FLRT3: variants seen among roughly 807,000 people sequenced by gnomAD.
FLRT3 encodes leucine-rich repeat transmembrane protein FLRT3.
A neutral mutation model predicts 42.6 loss-of-function variants in FLRT3; 17 were observed. The ratio of observed to expected loss-of-function variants is 0.40; its 90% confidence interval spans 0.27 to 0.60. FLRT3 has a LOEUF of 0.60. Among genes scored for constraint, FLRT3 ranks in the 20% least tolerant of loss-of-function variants. FLRT3 has a pLI of 0.44. For synonymous variants in FLRT3, 279 were observed against 286.4 expected, an observed-to-expected ratio of 0.97 and a Z score of 0.26; for missense variants, 635 against 789.2, an observed-to-expected ratio of 0.80 and a Z score of 2.34.
In FLRT3 at chr20:14,326,985, G is replaced by C. The variant is rs149699300; in HGVS notation, c.522C>G (p.Pro174=). The change falls in exon 3 of 3, where the codon CCC becomes CCG. Residue 174 remains proline (P), a synonymous_variant. Coordinates refer to ENST00000341420, the MANE Select transcript of FLRT3 (RefSeq NM_198391.3). The surrounding 1 kb of genome is among the most constrained non-coding windows in gnomAD (Gnocchi z 5.5). ...NHLSTIPWGL[P]RTIEELRLDD... is the part of the protein sequence containing the mutation. The stretch of plus-strand genomic sequence containing the variant: ...CCAAGCGTAGTTCTTCTATAGTCCT[G>C]GGCAAACCCCAGGGAATTGTGCTAA... The C allele has an allele frequency of 6.2e-7, 1 of 1,613,734 alleles. No homozygotes were observed. Among genetic ancestry groups the C allele is most frequent in the Non-Finnish European group, 8.5e-7 (1 of 1,179,782 alleles).
In FLRT3 at chr20:14,325,467, C is replaced by T; in HGVS notation, c.*90G>A. The T allele has an allele frequency of 7.5e-7, 1 of 1,331,812 alleles. No individual in the cohort carries two copies. 82.5% of individuals were successfully genotyped at this position (1,331,812 alleles called of 1,614,324 possible). A position where few individuals can be genotyped will look rare whatever the true frequency, so the allele number is the denominator to read the frequency against. On this transcript the variant is annotated 3_prime_UTR_variant, in exon 3 of 3. Transcript: ENST00000341420. Reference sequence around the variant, plus strand: ...CATTGCTTTTTTTCAGTCTCTTTTTCCAGTGTTTTGCAGTAGAACAGGGTT... The same window carrying T: ...CATTGCTTTTTTTCAGTCTCTTTTTTCAGTGTTTTGCAGTAGAACAGGGTT...
chr20:14,326,456 C>G lies in FLRT3; in HGVS notation c.1051G>C (p.Glu351Gln). The change falls in exon 3 of 3, where the codon GAA becomes CAA. Residue 351 changes from glutamate to glutamine, a missense_variant. Transcript: ENST00000341420. This position sits in a 1 kb window ranked among gnomAD's most constrained non-coding sequence, Gnocchi z 5.5. Reference protein sequence around the residue: ...RGMAIKDLNAELFDCKDSGIV... With the variant: ...RGMAIKDLNAQLFDCKDSGIV... Reference sequence around the variant, plus strand: ...CCACTGTCCTTACAATCAAACAGTTCTGCATTGAGATCCTTAATAGCCATC... The same window carrying G: ...CCACTGTCCTTACAATCAAACAGTTGTGCATTGAGATCCTTAATAGCCATC... The G allele has an allele frequency of 3.1e-6, 5 of 1,613,844 alleles. No individual in the cohort carries two copies. Among genetic ancestry groups the G allele is most frequent in the Non-Finnish European group, 4.2e-6 (5 of 1,179,850 alleles).
chr20:14,326,369 G>C lies in FLRT3; in HGVS notation c.1138C>G (p.Gln380Glu). The change falls in exon 3 of 3, where the codon CAG (glutamine) becomes GAG (glutamate). Residue 380 changes from glutamine to glutamate, a missense_variant. Coordinates refer to ENST00000341420, the MANE Select transcript of FLRT3 (RefSeq NM_198391.3). The surrounding 1 kb of genome is among the most constrained non-coding windows in gnomAD (Gnocchi z 5.5). Reference protein sequence around the residue: ...IPNTVYPAQGQWPAPVTKQPD... With the variant: ...IPNTVYPAQGEWPAPVTKQPD... Reference sequence around the variant, plus strand: ...TGTTTGGTCACTGGAGCTGGCCACTGTCCTTGGGCAGGATACACTGTGTTG... The same window carrying C: ...TGTTTGGTCACTGGAGCTGGCCACTCTCCTTGGGCAGGATACACTGTGTTG... 6.2e-7 allele frequency: 1 copy of C among 1,613,926 alleles called. No individual in the cohort carries two copies. Among genetic ancestry groups the C allele is most frequent in the Non-Finnish European group, 8.5e-7 (1 of 1,179,876 alleles).
At position 14,327,324 on chromosome 20, in the gene FLRT3, T is replaced by C; in HGVS notation, c.183A>G (p.Thr61=). ...TTTGGTTGTTCTGAAGGTAGAGAGT[T>C]GTAGCATCCTCTGGTATTCCTGTTG... ...SIPTGIPEDA[T]TLYLQNNQIN... The change falls in exon 3 of 3, where the codon ACA becomes ACG. Residue 61 remains threonine, a synonymous_variant. Transcript: ENST00000341420. 6.2e-7 allele frequency: 1 copy of C among 1,613,838 alleles called. No individual in the cohort carries two copies.
rs771891914 is a variant in FLRT3 at position 14,326,275 on chromosome 20, A to G, written c.1232T>C (p.Ile411Thr). 16 of 1,613,790 alleles carry G rather than the reference A, an allele frequency of 9.9e-6. 1 individual carries two copies. Reference protein sequence around the residue: ...QTTGSPSRKTITITVKSVTSD... With the variant: ...QTTGSPSRKTTTITVKSVTSD... ...GGTGACAGACTTCACAGTAATTGTA[A>G]TTGTTTTTCTTGAGGGACTCCCTGT... Residue 411 changes from isoleucine (I) to threonine (T), a missense_variant, in exon 3 of 3, where the codon ATT (isoleucine) becomes ACT (threonine). Ile to Thr is a moderately conservative substitution (Grantham distance 89, BLOSUM62 -1). Transcript: ENST00000341420. This position sits in a 1 kb window ranked among gnomAD's most constrained non-coding sequence, Gnocchi z 5.5.
At position 14,325,693 on chromosome 20, in the gene FLRT3, G is replaced by T; in HGVS notation, c.1814C>A (p.Ser605Ter). The change falls in exon 3 of 3, where the codon TCG (serine) becomes TAG (stop). Residue 605 changes from serine to a stop codon, truncating the protein, a stop_gained. Coordinates refer to ENST00000341420, the MANE Select transcript of FLRT3 (RefSeq NM_198391.3). LOFTEE classifies it high-confidence loss of function. The part of the protein sequence containing the change: ...QMLPISNEPI[S>*]KEEFVIHTIF... Reference sequence around the variant, plus strand: ...GGTGTGTATTACAAACTCCTCCTTCGAGATGGGTTCATTGCTTATTGGTAA... The same window carrying T: ...GGTGTGTATTACAAACTCCTCCTTCTAGATGGGTTCATTGCTTATTGGTAA... 1 of 1,613,816 alleles carries T rather than the reference G, an allele frequency of 6.2e-7. No individual in the cohort carries two copies. The highest frequency in any genetic ancestry group is 8.5e-7 in the Non-Finnish European group (1 of 1,179,810).
chr20:14,326,268 A>G lies in FLRT3; in HGVS notation c.1239T>C (p.Ile413=), dbSNP rs2082733353. 5.0e-6 allele frequency: 8 copies of G among 1,613,910 alleles called. No individual in the cohort carries two copies. Among genetic ancestry groups the G allele is most frequent in the Non-Finnish European group, 6.8e-6 (8 of 1,179,864 alleles). Residue 413 remains isoleucine, a synonymous_variant, in exon 3 of 3, where the codon ATT becomes ATC. Coordinates refer to ENST00000341420, the MANE Select transcript of FLRT3 (RefSeq NM_198391.3). The surrounding 1 kb of genome is among the most constrained non-coding windows in gnomAD (Gnocchi z 5.5). ...TATCAGAGGTGACAGACTTCACAGT[A>G]ATTGTAATTGTTTTTCTTGAGGGAC... ...TGSPSRKTIT[I]TVKSVTSDTI...
At chr20:14,337,336 C>A in intron 1 of FLRT3, 68 bp downstream of exon 1, 20 of 248,158 alleles carry the variant, frequency 8.1e-5, no homozygotes, top group Non-Finnish European at 1.1e-4. Context: ...CAAGTCGTTT[C>A]TTTCTAGAGA....
rs942633876 is a variant in FLRT3, at chr20:14,329,336, G to A, written c.-246-9C>T. 4 of 152,178 alleles carry A rather than the reference G, an allele frequency of 2.6e-5. No homozygotes were observed. The highest frequency in any genetic ancestry group is 2.1e-4 in the South Asian group (1 of 4,826). The allele number at this position is 152,178 out of a possible 1,614,324, so 9.4% of individuals were successfully genotyped here. ...CTGGGACTGAGCATCTCCTGTGAAA[G>A]TAAAAGGTTTTAATGAACTATTAAT... is the stretch of plus-strand genomic sequence containing the variant. On this transcript the variant is annotated splice_polypyrimidine_tract_variant and intron_variant, in intron 1 of 2. Transcript: ENST00000341420.
At chr20:14,334,445 T>C (rs1197387668) in intron 1 of FLRT3, among the ~76,000 whole-genome samples, 2 of 152,330 alleles carry the variant, frequency 1.3e-5, no homozygotes, top group Non-Finnish European at 2.9e-5. Flanking sequence ...TCCCTTTTTA[T>C]GCTCTGAAGA....
intron 1 of FLRT3, among the ~76,000 whole-genome samples, chr20:14,332,144 A>C (rs570522347): frequency 6.6e-6 from 1 of 152,140 alleles, no homozygotes; most frequent in African/African-American, 2.4e-5. Flanking sequence ...TGATGAATCA[A>C]ATTTTTAATA....
At chr20:14,336,891 A>G (rs1412560330) in intron 1 of FLRT3, among the ~76,000 whole-genome samples, 1 of 152,226 alleles carries the variant, frequency 6.6e-6, no homozygotes, top group South Asian at 2.1e-4. Context: ...GTAGCTGTTA[A>G]TCCTTTACAG....
rs766736015 is a variant in FLRT3, at chr20:14,327,087, G to A, written c.420C>T (p.Val140=). 3.7e-6 allele frequency: 6 copies of A among 1,613,644 alleles called. No homozygotes were observed. Among genetic ancestry groups the A allele is most frequent in the Non-Finnish European group, 5.1e-6 (6 of 1,179,772 alleles). Residue 140 remains valine (V), a synonymous_variant, in exon 3 of 3, where the codon GTC becomes GTT. Coordinates refer to ENST00000341420, the MANE Select transcript of FLRT3 (RefSeq NM_198391.3). ...CTCCCTCTTCTATGCTAACTGCAGA[G>A]ACAGAGTTGTCATCTAAATGTAATT... The part of the protein sequence containing the change: ...LEELHLDDNS[V]SAVSIEEGAF...
chr20:14,325,400 TA>T lies in FLRT3; in HGVS notation c.*156del. The T allele has an allele frequency of 2.9e-6, 2 of 690,828 alleles. No homozygotes were observed. Among genetic ancestry groups the T allele is most frequent in the Non-Finnish European group, 4.4e-6 (2 of 455,722 alleles). 42.8% of individuals were successfully genotyped at this position (690,828 alleles called of 1,614,324 possible). A position where few individuals can be genotyped will look rare whatever the true frequency, so the allele number is the denominator to read the frequency against. ...GTAACCTGAAATTTGAAACTTTTAA[TA>T]AAAAGTTCTTAAATATAAATTATAT... On this transcript the variant is annotated 3_prime_UTR_variant, in exon 3 of 3. Transcript: ENST00000341420.
Position 14,326,799 on chromosome 20 carries a change from G to A in FLRT3, c.708C>T (p.Ser236=), listed in dbSNP as rs1373368725. 6.2e-7 allele frequency: 1 copy of A among 1,613,718 alleles called. No homozygotes were observed. Among genetic ancestry groups the A allele is most frequent in the Admixed American group, 1.7e-5 (1 of 59,950 alleles). Residue 236 remains serine, a synonymous_variant, in exon 3 of 3, where the codon TCC becomes TCT. Transcript: ENST00000341420. This position sits in a 1 kb window ranked among gnomAD's most constrained non-coding sequence, Gnocchi z 5.5. ...NLTELSLVRN[S]LTAAPVNLPG... ...GAAGGTTTACTGGTGCAGCAGTCAG[G>A]GAATTCCGCACCAGGGACAGCTCTG... is the stretch of plus-strand genomic sequence containing the variant.
At chr20:14,331,708 GGGTTTT>G (rs1186597200) in intron 1 of FLRT3, among the ~76,000 whole-genome samples, 25 of 152,050 alleles carry the variant, frequency 1.6e-4, no homozygotes, top group African/African-American at 6.0e-4. Context: ...ACAGATTTTT[GGGTTTT>G]GGTTTTGGCA....
chr20:14,329,896 C>G (rs145750127), intron 1 of FLRT3, among the ~76,000 whole-genome samples: 114 of 152,126 alleles, frequency 7.5e-4, no homozygotes, highest in Middle Eastern at 6.8e-3. Context: ...TCCCCTTTCT[C>G]TTTAGGGGTG....
intron 1 of FLRT3, among the ~76,000 whole-genome samples, chr20:14,332,444 T>C (rs1210672258): frequency 6.6e-6 from 1 of 152,234 alleles, no homozygotes; most frequent in East Asian, 1.9e-4. Context: ...TATGAGAAGG[T>C]ATTTCTTATG....
intron 1 of FLRT3, among the ~76,000 whole-genome samples, chr20:14,336,900 A>G (rs2082947437): frequency 6.6e-6 from 1 of 152,206 alleles, no homozygotes; most frequent in Non-Finnish European, 1.5e-5. Flanking sequence ...AATCCTTTAC[A>G]GAGGCACATA....
Sources: allele counts gnomAD v4.1 joint callset (sites outside exome capture counted in the v4.1 genomes callset), GRCh38; gene constraint gnomAD v4.1.1; non-coding constraint Gnocchi (gnomAD v3.1); transcripts MANE v1.5; gene names NCBI Gene and HGNC (gene_info 2026-07-23, HGNC 2026-07-21).